RUVBL1: variants seen among roughly 807,000 people sequenced by gnomAD.
The protein encoded by RUVBL1 is ruvB-like 1.
Under a neutral mutation model 52.4 loss-of-function variants are expected in RUVBL1, and 4 were observed. That is an observed-to-expected ratio of 0.08 (90% CI 0.04 to 0.17). The LOEUF is 0.17. Ranked by LOEUF, RUVBL1 falls within the 10% of genes least tolerant of loss-of-function variation. RUVBL1 has a pLI of 1.00. For synonymous variants in RUVBL1, 217 were observed against 214.4 expected (o/e 1.01, Z -0.10); for missense variants, 298 against 572.8 (o/e 0.52, Z 4.90).
chr3:128,129,492 C>T (rs1167795503), intron 1 of RUVBL1, among the ~76,000 whole-genome samples: 1 of 148,240 alleles, frequency 6.7e-6, no homozygotes, highest in Non-Finnish European at 1.5e-5. Context: ...AACTGTACAC[C>T]TACAGGGACC....
chr3:128,152,042 C>G (rs1014609045), intron 1 of RUVBL1, among the ~76,000 whole-genome samples: 26 of 152,208 alleles, frequency 1.7e-4, no homozygotes, highest in Admixed American at 1.5e-3. Flanking sequence ...GAAAAGGGCT[C>G]TCCAGGTCTC....
intron 9 of RUVBL1, among the ~76,000 whole-genome samples, chr3:128,074,286 T>C (rs1249005730): frequency 6.6e-6 from 1 of 152,126 alleles, no homozygotes; most frequent in Non-Finnish European, 1.5e-5. Context: ...ACACACAACA[T>C]TCAGGAGCTC....
chr3:128,116,358 T>A (rs978437555), intron 2 of RUVBL1, among the ~76,000 whole-genome samples: 3 of 151,616 alleles, frequency 2.0e-5, no homozygotes, highest in Non-Finnish European at 2.9e-5. Flanking sequence ...CTGACCAACA[T>A]GATGAAACCC....
In RUVBL1 at chr3:128,069,790, C is replaced by G. The variant is rs560436975; in HGVS notation, c.940-4570G>C. ...TTTTTGAATTTCGTATTCTTTCATT[C>G]CACTGTGTAAAGTGCTAGACATTTT... is the stretch of plus-strand genomic sequence containing the variant. On this transcript the variant is annotated intron_variant, in intron 9 of 9. Transcript: ENST00000464873. 5.4e-5 allele frequency: 46 copies of G among 858,200 alleles called. 1 individual carries two copies. The African/African-American group carries it at 7.3e-4, about 14-fold the overall frequency. 53.2% of individuals were successfully genotyped at this position (858,200 alleles called of 1,614,324 possible).
chr3:128,149,261 T>C (rs1337685023), intron 1 of RUVBL1, among the ~76,000 whole-genome samples: 2 of 151,642 alleles, frequency 1.3e-5, no homozygotes, highest in East Asian at 1.9e-4. Context: ...CATGGCTCAC[T>C]GCAACCTCTG....
intron 1 of RUVBL1, among the ~76,000 whole-genome samples, chr3:128,147,433 C>A (rs1237929273): frequency 6.6e-6 from 1 of 152,024 alleles, no homozygotes; most frequent in African/African-American, 2.4e-5. Flanking sequence ...TCCATCTTTA[C>A]AAAAAATTTT....
At position 128,081,742 on chromosome 3, in the gene RUVBL1, G is replaced by A. The variant is rs2107669138; in HGVS notation, c.1212-333C>T. On this transcript the variant is annotated intron_variant, in intron 10 of 10. Coordinates refer to ENST00000322623, the MANE Select transcript of RUVBL1 (RefSeq NM_003707.3). This position sits in a 1 kb window ranked among gnomAD's most constrained non-coding sequence, Gnocchi z 4.8. Reference sequence around the variant, plus strand: ...TATGTATACAGGTGTCCGACAGATAGGGATATTTAACATGGCAGGGAAATG... The same window carrying A: ...TATGTATACAGGTGTCCGACAGATAAGGATATTTAACATGGCAGGGAAATG... 4.4e-6 allele frequency: 1 copy of A among 225,098 alleles called. No individual in the cohort carries two copies. Among genetic ancestry groups the A allele is most frequent in the African/African-American group, 2.3e-5 (1 of 44,266 alleles). The allele number at this position is 225,098 out of a possible 1,614,324, so 13.9% of individuals were successfully genotyped here.
upstream of RUVBL1, among the ~76,000 whole-genome samples, chr3:128,126,283 C>G (rs553041864): frequency 4.0e-4 from 61 of 152,054 alleles, 1 homozygote; most frequent in African/African-American, 1.4e-3. Flanking sequence ...CGGTGGTACA[C>G]GCCTGTAATC....
chr3:128,097,913 T>C (rs1576454819), intron 7 of RUVBL1, among the ~76,000 whole-genome samples: 2 of 152,166 alleles, frequency 1.3e-5, no homozygotes, highest in East Asian at 3.9e-4. Context: ...CACATGCAAA[T>C]TTACCTGTTC....
intron 2 of RUVBL1, among the ~76,000 whole-genome samples, chr3:128,115,783 T>C (rs962500778): frequency 2.0e-5 from 3 of 152,154 alleles, no homozygotes; most frequent in African/African-American, 4.8e-5. Flanking sequence ...TCAGAGACTG[T>C]AGATACAGGA....
intron 1 of RUVBL1, among the ~76,000 whole-genome samples, chr3:128,133,284 C>A (rs1559834237): frequency 6.6e-6 from 1 of 152,212 alleles, no homozygotes; most frequent in Non-Finnish European, 1.5e-5. Context: ...TCCTGGATGG[C>A]ATTTCTGGAC....
chr3:128,082,428 G>T lies in RUVBL1; in HGVS notation c.1211+55C>A. On this transcript the variant is annotated intron_variant, in intron 10 of 10. Coordinates refer to ENST00000322623, the MANE Select transcript of RUVBL1 (RefSeq NM_003707.3). This position sits in a 1 kb window ranked among gnomAD's most constrained non-coding sequence, Gnocchi z 4.7. The stretch of plus-strand genomic sequence containing the variant: ...GCCTTTATTGTCCAGAATGACCCCA[G>T]CGAGGGCCCTGGCTGTGCTGGGGAG... The T allele has an allele frequency of 7.5e-7, 1 of 1,338,604 alleles. No individual in the cohort carries two copies. The highest frequency in any genetic ancestry group is 1.1e-6 in the Non-Finnish European group (1 of 930,878). 82.9% of individuals were successfully genotyped at this position (1,338,604 alleles called of 1,614,324 possible). A position where few individuals can be genotyped will look rare whatever the true frequency, so the allele number is the denominator to read the frequency against.
chr3:128,074,376 G>GC (rs1172322991), intron 9 of RUVBL1, among the ~76,000 whole-genome samples: 2 of 103,768 alleles, frequency 1.9e-5, no homozygotes, highest in Non-Finnish European at 4.7e-5. Context: ...CTAATCTATT[G>GC]CAAAAAAAAA....
chr3:128,080,403 T>C (rs1942436615), downstream of RUVBL1, among the ~76,000 whole-genome samples: 1 of 152,152 alleles, frequency 6.6e-6, no homozygotes, highest in South Asian at 2.1e-4. Flanking sequence ...TTCCAAAGAA[T>C]TCAGTATGGA....
rs1054946735 is a variant in RUVBL1 at position 128,065,206 on chromosome 3, A to T, written c.*6T>A. Reference sequence around the variant, plus strand: ...CCAGATGAGCTGGACAAGCATGTTCATTGAGTCATGGGACCTGCCATTAAC... The same window carrying T: ...CCAGATGAGCTGGACAAGCATGTTCTTTGAGTCATGGGACCTGCCATTAAC... On this transcript the variant is annotated 3_prime_UTR_variant, in exon 10 of 10. Coordinates refer to the RUVBL1 transcript ENST00000464873. The T allele has an allele frequency of 3.8e-6, 3 of 783,170 alleles. No homozygotes were observed. In the Admixed American group the frequency reaches 5.9e-5, roughly 15 times the overall value. 48.5% of individuals were successfully genotyped at this position (783,170 alleles called of 1,614,324 possible).
At chr3:128,129,832 T>C (rs762897167) in intron 1 of RUVBL1, among the ~76,000 whole-genome samples, 1 of 152,108 alleles carries the variant, frequency 6.6e-6, no homozygotes, top group Non-Finnish European at 1.5e-5. Context: ...AGACAAAAAG[T>C]ACAATGGTGG....
intron 1 of RUVBL1, among the ~76,000 whole-genome samples, chr3:128,130,186 T>C (rs1455207063): frequency 6.6e-6 from 1 of 151,998 alleles, no homozygotes; most frequent in Non-Finnish European, 1.5e-5. Flanking sequence ...AGACTAATGA[T>C]AAAATCAGAA....
At chr3:128,103,613 G>A (rs1943157413) in intron 4 of RUVBL1, among the ~76,000 whole-genome samples, 1 of 152,210 alleles carries the variant, frequency 6.6e-6, no homozygotes, top group East Asian at 1.9e-4. Flanking sequence ...GTCCCAGAGA[G>A]CTCAACTGAC....
intron 2 of RUVBL1, among the ~76,000 whole-genome samples, chr3:128,117,607 AG>A (rs1214120921): frequency 6.6e-6 from 1 of 150,902 alleles, no homozygotes; most frequent in Non-Finnish European, 1.5e-5. Context: ...TAACGCTGAC[AG>A]TTTTTTTGTT....
Sources: gnomAD v4.1 joint callset for allele counts (sites outside exome capture counted in the v4.1 genomes callset) on GRCh38, gnomAD v4.1.1 for gene constraint, Gnocchi (gnomAD v3.1) non-coding constraint, MANE v1.5 for transcripts, NCBI Gene and HGNC (gene_info 2026-07-23, HGNC 2026-07-21) for gene names.